CEP192: variants seen among roughly 807,000 people sequenced by gnomAD.
CEP192 encodes centrosomal protein 192, also known as centrosomal protein of 192 kDa.
A neutral mutation model predicts 271.8 loss-of-function variants in CEP192; 151 were observed. The observed-to-expected ratio is 0.56, with a 90% confidence interval of 0.49 to 0.64. The LOEUF (loss-of-function observed/expected upper bound fraction) is 0.64, where lower values mean the gene tolerates loss of function less well. Ranked by LOEUF, CEP192 falls within the 30% of genes least tolerant of loss-of-function variation. The probability of loss-of-function intolerance (pLI) is 0.00; values close to 1 mark genes in which losing one functional copy is unlikely to be tolerated. For synonymous variants in CEP192, 995 were observed against 1,076.5 expected (o/e 0.92, Z 1.48); for missense variants, 2,910 against 3,020.5 (o/e 0.96, Z 0.86).
intron 9 of CEP192, among the ~76,000 whole-genome samples, chr18:13,027,276 T>C (rs2035355641): frequency 6.6e-6 from 1 of 152,218 alleles, no homozygotes; most frequent in South Asian, 2.1e-4. Context: ...TGCCCTGTTA[T>C]ATTTCAAAAT....
rs749938317 is a variant in CEP192, at chr18:13,114,183, C to T, written c.7221C>T (p.Leu2407=). 2.5e-6 allele frequency: 4 copies of T among 1,614,040 alleles called. No individual in the cohort carries two copies. Among genetic ancestry groups the T allele is most frequent in the Non-Finnish European group, 1.7e-6 (2 of 1,179,960 alleles). ...PENACLSTDS[L]IKIDHLVKPR... is the part of the protein sequence containing the mutation. Reference sequence around the variant, plus strand: ...ACGCATGCCTTTCCACGGATTCCCTCATTAAAATAGATCATTTAGTTAAGC... The same window carrying T: ...ACGCATGCCTTTCCACGGATTCCCTTATTAAAATAGATCATTTAGTTAAGC... The change falls in exon 42 of 45, where the codon CTC becomes CTT. Residue 2407 remains leucine (L), a synonymous_variant. Transcript: ENST00000506447.
At chr18:13,064,576 C>T (rs1339979020) in intron 21 of CEP192, among the ~76,000 whole-genome samples, 1 of 147,914 alleles carries the variant, frequency 6.8e-6, no homozygotes, top group African/African-American at 2.5e-5. Context: ...TGTGCCACTG[C>T]ACTCCAGCCT....
Position 13,087,126 on chromosome 18 carries a change from G to A in CEP192, c.5726G>A (p.Ser1909Asn), listed in dbSNP as rs1387590425. 2 of 1,614,086 alleles carry A rather than the reference G, an allele frequency of 1.2e-6. No individual in the cohort carries two copies. The highest frequency in any genetic ancestry group is 1.7e-4 in the Middle Eastern group (1 of 6,060). ...AATGGCTTAGTACCTGGCAAAGAAA[G>A]TAAAATTGTTTTTTCTGTCCGCAAC... is the stretch of plus-strand genomic sequence containing the variant. Reference protein sequence around the residue: ...TVNGLVPGKESKIVFSVRNTG... With the variant: ...TVNGLVPGKENKIVFSVRNTG... The change falls in exon 31 of 45, where the codon AGT becomes AAT. Residue 1909 changes from serine to asparagine, a missense_variant. Transcript: ENST00000506447.
intron 19 of CEP192, 118 bp downstream of exon 19, chr18:13,056,816 C>T: frequency 1.1e-6 from 1 of 870,614 alleles, no homozygotes; most frequent in Non-Finnish European, 1.8e-6. Context: ...TTTTGTGCTT[C>T]TTCCTAAACT....
In CEP192 at chr18:13,069,782, A is replaced by G. The variant is rs776654383; in HGVS notation, c.5100A>G (p.Leu1700=). Residue 1700 remains leucine, a synonymous_variant, in exon 27 of 45, where the codon CTA becomes CTG. Coordinates refer to ENST00000506447, the MANE Select transcript of CEP192 (RefSeq NM_032142.4). ...GSHFSVDPKN[L]LLKPGEEHEV... is the part of the protein sequence containing the mutation. ...ACTTTTCAGTGGATCCAAAGAATCTACTCCTTAAACCTGGAGAAGAACATG... is the reference window on the plus strand; with the variant it reads ...ACTTTTCAGTGGATCCAAAGAATCTGCTCCTTAAACCTGGAGAAGAACATG... 1.0e-5 allele frequency: 16 copies of G among 1,601,584 alleles called. No individual in the cohort carries two copies. Among genetic ancestry groups the G allele is most frequent in the South Asian group, 4.4e-5 (4 of 90,728 alleles).
intron 13 of CEP192, among the ~76,000 whole-genome samples, chr18:13,040,002 G>A (rs1162684071): frequency 6.6e-6 from 1 of 152,190 alleles, no homozygotes; most frequent in Non-Finnish European, 1.5e-5. Flanking sequence ...GGATTGTTTA[G>A]CAAAACTGGA....
At chr18:13,047,869 T>C (rs7231967) in intron 15 of CEP192, among the ~76,000 whole-genome samples, 2 of 152,346 alleles carry the variant, frequency 1.3e-5, no homozygotes, top group African/African-American at 2.4e-5. Context: ...TCAATCTCAA[T>C]ATCTTAAGTT....
chr18:13,010,634 T>G (rs8087936), intron 4 of CEP192, among the ~76,000 whole-genome samples: 37,717 of 151,680 alleles, frequency 0.25, 5,513 homozygotes, highest in East Asian at 0.44. Context: ...ATCACCTGAG[T>G]CTGGGAGTTC....
At position 13,087,523 on chromosome 18, in the gene CEP192, G is replaced by A. The variant is rs893384764; in HGVS notation, c.5878-8G>A. On this transcript the variant is annotated splice_polypyrimidine_tract_variant and splice_region_variant and intron_variant, in intron 31 of 44. Transcript: ENST00000506447. ...TATTTACTCCTGATTTTTTTTTCTTGGCATCAGAATGTTACTTTAATATAT... is the reference window on the plus strand; with the variant it reads ...TATTTACTCCTGATTTTTTTTTCTTAGCATCAGAATGTTACTTTAATATAT... 2 of 1,268,084 alleles carry A rather than the reference G, an allele frequency of 1.6e-6. No homozygotes were observed. Among genetic ancestry groups the A allele is most frequent in the South Asian group, 1.4e-5 (1 of 72,114 alleles). The allele number at this position is 1,268,084 out of a possible 1,614,324, so 78.6% of individuals were successfully genotyped here.
At chr18:13,019,002 TTGAC>T (rs2034826812) in intron 8 of CEP192, 76 bp from the exon 9 acceptor site, 13 of 1,332,646 alleles carry the variant, frequency 9.8e-6, no homozygotes, top group South Asian at 4.4e-5. Context: ...ATAAAATAAT[TTGAC>T]TGGCAAGAAT....
intron 44 of CEP192, among the ~76,000 whole-genome samples, chr18:13,123,301 C>T (rs1407844723): frequency 1.3e-5 from 2 of 151,972 alleles, no homozygotes; most frequent in Non-Finnish European, 2.9e-5. Flanking sequence ...AAATGTAATG[C>T]ATTTGGGGAA....
intron 30 of CEP192, among the ~76,000 whole-genome samples, chr18:13,080,105 T>C (rs2038512225): frequency 1.3e-5 from 2 of 152,178 alleles, no homozygotes; most frequent in Non-Finnish European, 2.9e-5. Flanking sequence ...CTTAGGATTG[T>C]CTTGGCAGTG....
chr18:13,116,636 G>T (rs1322144778), intron 43 of CEP192, 133 bp downstream of exon 43: 1 of 811,836 alleles, frequency 1.2e-6, no homozygotes, highest in African/African-American at 1.8e-5. Context: ...TTTGGAGATG[G>T]AGTCTCGCTG....
chr18:13,065,489 T>C (rs1272774397), intron 21 of CEP192, among the ~76,000 whole-genome samples: 1 of 152,234 alleles, frequency 6.6e-6, no homozygotes, highest in Non-Finnish European at 1.5e-5. Context: ...TTAAAACTTA[T>C]TCTAATATAA....
At chr18:13,098,899 T>C (rs2039561329) in intron 36 of CEP192, among the ~76,000 whole-genome samples, 2 of 152,124 alleles carry the variant, frequency 1.3e-5, no homozygotes, top group African/African-American at 2.4e-5. Flanking sequence ...CATTGAGCAC[T>C]GAGTGAACGA....
At chr18:13,051,707 C>T (rs1230306399) in intron 17 of CEP192, among the ~76,000 whole-genome samples, 1 of 152,124 alleles carries the variant, frequency 6.6e-6, no homozygotes, top group Non-Finnish European at 1.5e-5. Flanking sequence ...CCATGCCCAA[C>T]TAATTTTTTG....
intron 9 of CEP192, among the ~76,000 whole-genome samples, chr18:13,020,174 A>T (rs1293933562): frequency 6.6e-6 from 1 of 152,172 alleles, no homozygotes; most frequent in African/African-American, 2.4e-5. Flanking sequence ...TTGTGCAGCC[A>T]ATCTTCAGGA....
intron 40 of CEP192, among the ~76,000 whole-genome samples, chr18:13,107,230 C>T (rs547637147): frequency 1.3e-5 from 2 of 152,250 alleles, no homozygotes; most frequent in African/African-American, 2.4e-5. Flanking sequence ...GGTGCTGTGG[C>T]GCATGACTCT....
At chr18:13,001,353 T>C in intron 2 of CEP192, 104 bp from the exon 3 acceptor site, 2 of 724,720 alleles carry the variant, frequency 2.8e-6, no homozygotes, top group Non-Finnish European at 4.4e-6. Flanking sequence ...CTATTTGTTT[T>C]TACCCCGGTG....
Sources: gnomAD v4.1 joint callset for allele counts (sites outside exome capture counted in the v4.1 genomes callset) on GRCh38, gnomAD v4.1.1 for gene constraint, MANE v1.5 for transcripts, NCBI Gene and HGNC (gene_info 2026-07-23, HGNC 2026-07-21) for gene names.